The following EMC6 variants were observed in gnomAD, a reference collection of about 807,000 sequenced individuals.
EMC6 encodes ER membrane protein complex subunit 6, also known as transmembrane protein 93.
A neutral mutation model predicts 6.5 loss-of-function variants in EMC6; 1 was observed. The ratio of observed to expected loss-of-function variants is 0.15; its 90% CI spans 0.05 to 0.73. EMC6 has a LOEUF of 0.73. Ranked by LOEUF, EMC6 falls within the 30% of genes least tolerant of loss-of-function variation. EMC6 has a pLI of 0.78. For missense variants in EMC6, 114 were observed against 146.7 expected (o/e 0.78, Z 1.15); for synonymous variants, 96 against 74.3 (o/e 1.29, Z -1.50).
chr17:3,669,580 G>C lies in EMC6; in HGVS notation c.*101G>C. ...CCTTAGTTCTTAAGTGGTTGAATTC[G>C]CTGCTTGTTCTGTAACGTTATAAAT... On this transcript the variant is annotated 3_prime_UTR_variant, in exon 2 of 2. Transcript: ENST00000248378. 1 of 893,658 alleles carries C rather than the reference G, an allele frequency of 1.1e-6. No individual in the cohort carries two copies. Among genetic ancestry groups the C allele is most frequent in the Non-Finnish European group, 1.7e-6 (1 of 592,686 alleles). 55.4% of individuals were successfully genotyped at this position (893,658 alleles called of 1,614,324 possible).
rs1277182055 is a variant in EMC6 at position 3,669,596 on chromosome 17, C to G, written c.*117C>G. 1.7e-5 allele frequency: 13 copies of G among 750,266 alleles called. No homozygotes were observed. The highest frequency in any genetic ancestry group is 3.6e-5 in the African/African-American group (2 of 56,034). The allele number at this position is 750,266 out of a possible 1,614,324, so 46.5% of individuals were successfully genotyped here. A position where few individuals can be genotyped will look rare whatever the true frequency, so the allele number is the denominator to read the frequency against. On this transcript the variant is annotated 3_prime_UTR_variant, in exon 2 of 2. Coordinates refer to ENST00000248378, the MANE Select transcript of EMC6 (RefSeq NM_031298.4). ...GTTGAATTCGCTGCTTGTTCTGTAA[C>G]GTTATAAATAATTTATATCTGAAGA...
In EMC6 at chr17:3,669,567, A is replaced by C. The variant is rs75651235; in HGVS notation, c.*88A>C. ...ACCATGTAGACTTCCTTAGTTCTTA[A>C]GTGGTTGAATTCGCTGCTTGTTCTG... On this transcript the variant is annotated 3_prime_UTR_variant, in exon 2 of 2. Transcript: ENST00000248378. 5.3e-3 allele frequency: 5,788 copies of C among 1,084,574 alleles called. 39 individuals carry two copies. Among genetic ancestry groups the C allele is most frequent in the Non-Finnish European group, 5.6e-3 (4,260 of 758,584 alleles). The allele number at this position is 1,084,574 out of a possible 1,614,324, so 67.2% of individuals were successfully genotyped here. A position where few individuals can be genotyped will look rare whatever the true frequency, so the allele number is the denominator to read the frequency against.
In EMC6 at chr17:3,669,487, G is replaced by GC. The variant is rs902569835; in HGVS notation, c.*11dup. On this transcript the variant is annotated 3_prime_UTR_variant, in exon 2 of 2. Coordinates refer to ENST00000248378, the MANE Select transcript of EMC6 (RefSeq NM_031298.4). ...ATGGTGCACGTCTACTGAAATGGGGGCCCGGGGGACTTTTTTAAAAAACCA... is the reference window on the plus strand; with the variant it reads ...ATGGTGCACGTCTACTGAAATGGGGGCCCCGGGGGACTTTTTTAAAAAACCA... 3 of 1,569,506 alleles carry GC rather than the reference G, an allele frequency of 1.9e-6. No homozygotes were observed. In the African/African-American group the frequency reaches 4.1e-5, roughly 21 times the overall value.
At position 3,668,845 on chromosome 17, in the gene EMC6, C is replaced by T. The variant is rs1037598507; in HGVS notation, c.-104C>T. The stretch of plus-strand genomic sequence containing the variant: ...GAGCAAGATGGCGCCGCGGGCATTT[C>T]TTCCACTGCCCGTCTGAGGGAACGC... On this transcript the variant is annotated 5_prime_UTR_variant, in exon 1 of 2. Coordinates refer to ENST00000248378, the MANE Select transcript of EMC6 (RefSeq NM_031298.4). This position sits in a 1 kb window ranked among gnomAD's most constrained non-coding sequence, Gnocchi z 4.1. 1 of 511,470 alleles carries T rather than the reference C, an allele frequency of 2.0e-6. No homozygotes were observed. Among genetic ancestry groups the T allele is most frequent in the African/African-American group, 2.0e-5 (1 of 49,268 alleles). The allele number at this position is 511,470 out of a possible 1,614,324, so 31.7% of individuals were successfully genotyped here. A position where few individuals can be genotyped will look rare whatever the true frequency, so the allele number is the denominator to read the frequency against.
In EMC6 at chr17:3,669,218, C is replaced by T; in HGVS notation, c.72C>T (p.Ala24=). The T allele has an allele frequency of 6.2e-7, 1 of 1,607,976 alleles. No individual in the cohort carries two copies. Among genetic ancestry groups the T allele is most frequent in the Non-Finnish European group, 8.5e-7 (1 of 1,177,588 alleles). ...ISEAAVRGNA[A]VLDYCRTSVS... ...AGGCGGCCGTGCGGGGCAACGCCGC[C>T]GTCCTGGATTATTGCCGGACCTCGG... The change falls in exon 2 of 2, where the codon GCC becomes GCT. Residue 24 remains alanine (A), a synonymous_variant. Coordinates refer to ENST00000248378, the MANE Select transcript of EMC6 (RefSeq NM_031298.4).
rs1047137878 is a variant in EMC6 at position 3,668,993 on chromosome 17, A to G, written c.-50+94A>G. The G allele has an allele frequency of 8.5e-6, 6 of 705,632 alleles. No individual in the cohort carries two copies. The highest frequency in any genetic ancestry group is 3.1e-5 in the Admixed American group (1 of 32,044). The allele number at this position is 705,632 out of a possible 1,614,324, so 43.7% of individuals were successfully genotyped here. ...CTCCTCGGCGTCTTTGGAAGATCCGAGGCCCAGGACTGGTGCCAGGTCTCG... is the reference window on the plus strand; with the variant it reads ...CTCCTCGGCGTCTTTGGAAGATCCGGGGCCCAGGACTGGTGCCAGGTCTCG... On this transcript the variant is annotated intron_variant, in intron 1 of 1. Coordinates refer to ENST00000248378, the MANE Select transcript of EMC6 (RefSeq NM_031298.4). This position sits in a 1 kb window ranked among gnomAD's most constrained non-coding sequence, Gnocchi z 4.1.
In EMC6 at chr17:3,668,947, C is replaced by A. The variant is rs555665696; in HGVS notation, c.-50+48C>A. 1.0e-5 allele frequency: 6 copies of A among 593,324 alleles called. No homozygotes were observed. The highest frequency in any genetic ancestry group is 1.7e-5 in the Non-Finnish European group (6 of 350,046). 36.8% of individuals were successfully genotyped at this position (593,324 alleles called of 1,614,324 possible). On this transcript the variant is annotated intron_variant, in intron 1 of 1. Coordinates refer to ENST00000248378, the MANE Select transcript of EMC6 (RefSeq NM_031298.4). This position sits in a 1 kb window ranked among gnomAD's most constrained non-coding sequence, Gnocchi z 4.1. The stretch of plus-strand genomic sequence containing the variant: ...GGAACGCAGACGCGCCACCACCTCC[C>A]GGCCGGCCCGGACCCTCAATCTCCT...
In EMC6 at chr17:3,669,594, A is replaced by T. The variant is rs1221422984; in HGVS notation, c.*115A>T. On this transcript the variant is annotated 3_prime_UTR_variant, in exon 2 of 2. Transcript: ENST00000248378. ...TGGTTGAATTCGCTGCTTGTTCTGT[A>T]ACGTTATAAATAATTTATATCTGAA... 4 of 767,390 alleles carry T rather than the reference A, an allele frequency of 5.2e-6. No homozygotes were observed. Among genetic ancestry groups the T allele is most frequent in the African/African-American group, 1.8e-5 (1 of 56,562 alleles). 47.5% of individuals were successfully genotyped at this position (767,390 alleles called of 1,614,324 possible).
In EMC6 at chr17:3,668,840, C is replaced by G. The variant is rs941865024; in HGVS notation, c.-109C>G. The stretch of plus-strand genomic sequence containing the variant: ...CTTCCGAGCAAGATGGCGCCGCGGG[C>G]ATTTCTTCCACTGCCCGTCTGAGGG... On this transcript the variant is annotated 5_prime_UTR_variant, in exon 1 of 2. Coordinates refer to ENST00000248378, the MANE Select transcript of EMC6 (RefSeq NM_031298.4). This position sits in a 1 kb window ranked among gnomAD's most constrained non-coding sequence, Gnocchi z 4.1. 2 of 510,158 alleles carry G rather than the reference C, an allele frequency of 3.9e-6. No homozygotes were observed. Among genetic ancestry groups the G allele is most frequent in the Non-Finnish European group, 6.9e-6 (2 of 291,712 alleles). The allele number at this position is 510,158 out of a possible 1,614,324, so 31.6% of individuals were successfully genotyped here.
At position 3,669,287 on chromosome 17, in the gene EMC6, C is replaced by G. The variant is rs775236667; in HGVS notation, c.141C>G (p.Thr47=). The G allele has an allele frequency of 3.7e-6, 6 of 1,614,084 alleles. No individual in the cohort carries two copies. The highest frequency in any genetic ancestry group is 3.4e-6 in the Non-Finnish European group (4 of 1,180,030). Residue 47 remains threonine, a synonymous_variant, in exon 2 of 2, where the codon ACC becomes ACG. Coordinates refer to ENST00000248378, the MANE Select transcript of EMC6 (RefSeq NM_031298.4). ...CCACGGCCGGCATCCTCGGCCTCAC[C>G]GGCCTCTACGGCTTCATCTTCTACC... ...SGATAGILGL[T]GLYGFIFYLL... is the part of the protein sequence containing the mutation.
chr17:3,669,044 T>G lies in EMC6; in HGVS notation c.-49-54T>G, dbSNP rs899786830. Reference sequence around the variant, plus strand: ...GAAGCTCCAGGGGGAGGGGGCGGCGTGAACCCAACTCACCGAGCTCCGGGC... The same window carrying G: ...GAAGCTCCAGGGGGAGGGGGCGGCGGGAACCCAACTCACCGAGCTCCGGGC... On this transcript the variant is annotated intron_variant, in intron 1 of 1. Coordinates refer to ENST00000248378, the MANE Select transcript of EMC6 (RefSeq NM_031298.4). 156 of 1,151,826 alleles carry G rather than the reference T, an allele frequency of 1.4e-4. 1 individual carries two copies. Among genetic ancestry groups the G allele is most frequent in the Middle Eastern group, 8.8e-4 (3 of 3,400 alleles). The allele number at this position is 1,151,826 out of a possible 1,614,324, so 71.4% of individuals were successfully genotyped here.
chr17:3,669,066 G>A (rs2049971267), intron 1 of EMC6, 32 bp from the exon 2 acceptor site: 1 of 1,363,146 alleles, frequency 7.3e-7, no homozygotes, highest in African/African-American at 1.5e-5. Flanking sequence ...ACCGAGCTCC[G>A]GGCGCCACTT....
rs2142992726 is a variant in EMC6 at position 3,669,225 on chromosome 17, G to A, written c.79G>A (p.Asp27Asn). The change falls in exon 2 of 2, where the codon GAT becomes AAT. Residue 27 changes from aspartate (D) to asparagine (N), a missense_variant. By Grantham distance (23) the Asp-to-Asn change is conservative (BLOSUM62 1). Coordinates refer to ENST00000248378, the MANE Select transcript of EMC6 (RefSeq NM_031298.4). ...CGTGCGGGGCAACGCCGCCGTCCTG[G>A]ATTATTGCCGGACCTCGGTGTCAGC... ...AAVRGNAAVL[D>N]YCRTSVSALS... 1 of 1,611,250 alleles carries A rather than the reference G, an allele frequency of 6.2e-7. No homozygotes were observed. The highest frequency in any genetic ancestry group is 8.5e-7 in the Non-Finnish European group (1 of 1,179,256).
In EMC6 at chr17:3,669,344, C is replaced by T. The variant is rs1344478675; in HGVS notation, c.198C>T (p.Leu66=). The change falls in exon 2 of 2, where the codon CTC becomes CTT. Residue 66 remains leucine, a synonymous_variant. Coordinates refer to ENST00000248378, the MANE Select transcript of EMC6 (RefSeq NM_031298.4). ...LLASVLLSLL[L]ILKAGRRWNK... is the part of the protein sequence containing the mutation. ...CCTCCGTCCTGCTCTCCCTGCTCCT[C>T]ATTCTCAAGGCGGGAAGGAGGTGGA... The T allele has an allele frequency of 1.2e-6, 2 of 1,614,202 alleles. No homozygotes were observed. The highest frequency in any genetic ancestry group is 1.7e-6 in the Non-Finnish European group (2 of 1,180,040).
Position 3,669,514 on chromosome 17 carries a change from A to T in EMC6, c.*35A>T. On this transcript the variant is annotated 3_prime_UTR_variant, in exon 2 of 2. Coordinates refer to ENST00000248378, the MANE Select transcript of EMC6 (RefSeq NM_031298.4). The stretch of plus-strand genomic sequence containing the variant: ...CCGGGGGACTTTTTTAAAAAACCAG[A>T]TCGGGAGGACTGTGGCCAGCAATTA... 1 of 1,538,948 alleles carries T rather than the reference A, an allele frequency of 6.5e-7. No homozygotes were observed. The highest frequency in any genetic ancestry group is 8.8e-7 in the Non-Finnish European group (1 of 1,137,924).
Position 3,669,371 on chromosome 17 carries a change from C to G in EMC6, c.225C>G (p.Asn75Lys). 6.2e-7 allele frequency: 1 copy of G among 1,614,144 alleles called. No homozygotes were observed. The highest frequency in any genetic ancestry group is 1.6e-4 in the Middle Eastern group (1 of 6,062). Reference sequence around the variant, plus strand: ...TTCTCAAGGCGGGAAGGAGGTGGAACAAATATTTCAAATCACGGAGACCTC... The same window carrying G: ...TTCTCAAGGCGGGAAGGAGGTGGAAGAAATATTTCAAATCACGGAGACCTC... ...LLILKAGRRW[N>K]KYFKSRRPLF... Residue 75 changes from asparagine to lysine, a missense_variant, in exon 2 of 2, where the codon AAC (asparagine) becomes AAG (lysine). Asn to Lys is a moderately conservative substitution (Grantham distance 94, BLOSUM62 0). Transcript: ENST00000248378.
chr17:3,669,151 C>G lies in EMC6; in HGVS notation c.5C>G (p.Ala2Gly). The change falls in exon 2 of 2, where the codon GCC (alanine) becomes GGC (glycine). Residue 2 changes from alanine to glycine, a missense_variant. By Grantham distance (60) the Ala-to-Gly change is moderately conservative. Coordinates refer to ENST00000248378, the MANE Select transcript of EMC6 (RefSeq NM_031298.4). MAAVVAKREGPP... is the reference protein window; with the variant it reads MGAVVAKREGPP... ...GGCCGAGCCCGGGCTGGTGCGATGG[C>G]CGCGGTGGTGGCCAAGCGGGAAGGG... 1.3e-6 allele frequency: 2 copies of G among 1,522,072 alleles called. No individual in the cohort carries two copies. Among genetic ancestry groups the G allele is most frequent in the South Asian group, 1.2e-5 (1 of 82,608 alleles). 94.3% of individuals were successfully genotyped at this position (1,522,072 alleles called of 1,614,324 possible). A position where few individuals can be genotyped will look rare whatever the true frequency, so the allele number is the denominator to read the frequency against.
In EMC6 at chr17:3,669,121, C is replaced by T; in HGVS notation, c.-26C>T. ...AGCTCCGCGTTGTTCCGCGAGAAAGCGAGAGGCCGAGCCCGGGCTGGTGCG... is the reference window on the plus strand; with the variant it reads ...AGCTCCGCGTTGTTCCGCGAGAAAGTGAGAGGCCGAGCCCGGGCTGGTGCG... On this transcript the variant is annotated 5_prime_UTR_variant, in exon 2 of 2. Transcript: ENST00000248378. 1 of 1,468,836 alleles carries T rather than the reference C, an allele frequency of 6.8e-7. No homozygotes were observed. Among genetic ancestry groups the T allele is most frequent in the East Asian group, 2.5e-5 (1 of 40,092 alleles). 91.0% of individuals were successfully genotyped at this position (1,468,836 alleles called of 1,614,324 possible).
rs2049980653 is a variant in EMC6, at chr17:3,669,501, T to A, written c.*22T>A. 1 of 1,559,498 alleles carries A rather than the reference T, an allele frequency of 6.4e-7. No homozygotes were observed. The highest frequency in any genetic ancestry group is 8.7e-7 in the Non-Finnish European group (1 of 1,151,680). On this transcript the variant is annotated 3_prime_UTR_variant, in exon 2 of 2. Transcript: ENST00000248378. ...CTGAAATGGGGGCCCGGGGGACTTT[T>A]TTAAAAAACCAGATCGGGAGGACTG...
Sources: allele counts gnomAD v4.1 joint callset, GRCh38; gene constraint gnomAD v4.1.1; non-coding constraint Gnocchi (gnomAD v3.1); transcripts MANE v1.5; gene names NCBI Gene and HGNC (gene_info 2026-07-23, HGNC 2026-07-21).